Variants in ATXN2 observed in about 807,000 individuals in gnomAD.
ATXN2 encodes the protein ataxin-2.
ATXN2 carries 37 observed loss-of-function variants against 138.6 expected under a neutral mutation model. The observed-to-expected ratio is 0.27, with a 90% CI of 0.21 to 0.35. The LOEUF is 0.35. Among genes scored for constraint, ATXN2 ranks in the 10% least tolerant of loss-of-function variants. The pLI, the probability that ATXN2 is intolerant of heterozygous loss-of-function variation, is 1.00. For synonymous variants in ATXN2, 549 were observed against 543.7 expected (o/e 1.01, Z -0.13); for missense variants, 1,216 against 1,480.3 (o/e 0.82, Z 2.93).
intron 14 of ATXN2, among the ~76,000 whole-genome samples, chr12:111,498,217 T>C (rs1001401924): frequency 2.0e-5 from 3 of 152,100 alleles, no homozygotes; most frequent in African/African-American, 2.4e-5. Flanking sequence ...GAAGTCCTAA[T>C]TGGAGCAATC....
At chr12:111,566,974 G>A (rs1883048911) in intron 1 of ATXN2, among the ~76,000 whole-genome samples, 1 of 152,060 alleles carries the variant, frequency 6.6e-6, no homozygotes, top group East Asian at 1.9e-4. Flanking sequence ...TGATTTTGAG[G>A]GGTTCAGGAC....
chr12:111,500,830 G>A (rs1026934644), intron 14 of ATXN2, among the ~76,000 whole-genome samples: 2 of 151,998 alleles, frequency 1.3e-5, no homozygotes, highest in Non-Finnish European at 2.9e-5. Flanking sequence ...TTGAGACTGC[G>A]CCACCGCACT....
chr12:111,476,414 T>C (rs1312523532), intron 18 of ATXN2, among the ~76,000 whole-genome samples: 1 of 151,512 alleles, frequency 6.6e-6, no homozygotes, highest in African/African-American at 2.4e-5. Flanking sequence ...AATGGGAGCA[T>C]GGCAAAATCT....
intron 21 of ATXN2, among the ~76,000 whole-genome samples, chr12:111,463,017 T>C (rs1011492220): frequency 1.3e-5 from 2 of 151,834 alleles, no homozygotes; most frequent in African/African-American, 4.9e-5. Context: ...TGTATGTATG[T>C]ATGTATCAGC....
At chr12:111,590,400 G>C (rs555101900) in intron 1 of ATXN2, among the ~76,000 whole-genome samples, 1 of 151,966 alleles carries the variant, frequency 6.6e-6, no homozygotes. Context: ...AAACAAGCCT[G>C]TTAGGGGGCC....
At chr12:111,556,045 T>C in intron 1 of ATXN2, 126 bp from the exon 2 acceptor site, 1 of 764,686 alleles carries the variant, frequency 1.3e-6, no homozygotes, top group Non-Finnish European at 2.0e-6. Context: ...GCTCACCTAA[T>C]ATTAAGTCTA....
At chr12:111,469,940 C>A in intron 20 of ATXN2, 168 bp downstream of exon 20, 2 of 767,192 alleles carry the variant, frequency 2.6e-6, no homozygotes, top group South Asian at 2.8e-5. Flanking sequence ...AACTATTTGC[C>A]AAAAGTTATA....
At chr12:111,571,105 A>G (rs575128726) in intron 1 of ATXN2, among the ~76,000 whole-genome samples, 2 of 152,370 alleles carry the variant, frequency 1.3e-5, no homozygotes, top group East Asian at 1.9e-4. Flanking sequence ...AAACTTAAGC[A>G]TAAGTGAAAA....
chr12:111,538,105 GAA>G (rs549612470), intron 5 of ATXN2, among the ~76,000 whole-genome samples: 2 of 132,810 alleles, frequency 1.5e-5, no homozygotes, highest in African/African-American at 5.5e-5. Context: ...CAAAATAGAA[GAA>G]AAAAAAAAAC....
intron 1 of ATXN2, among the ~76,000 whole-genome samples, chr12:111,560,020 AAG>A (rs1293393993): frequency 6.6e-6 from 1 of 152,090 alleles, no homozygotes; most frequent in African/African-American, 2.4e-5. Flanking sequence ...GAACTAGGGA[AAG>A]AGAGCTGGGA....
At chr12:111,550,390 A>G (rs1351261508) in intron 5 of ATXN2, among the ~76,000 whole-genome samples, 2 of 152,230 alleles carry the variant, frequency 1.3e-5, no homozygotes, top group African/African-American at 2.4e-5. Context: ...TCAATTCATC[A>G]TAAAAACAAA....
At chr12:111,485,966 T>A in intron 16 of ATXN2, 101 bp from the exon 17 acceptor site, 4 of 1,170,642 alleles carry the variant, frequency 3.4e-6, no homozygotes, top group Non-Finnish European at 4.7e-6. Context: ...TTACTTGCTT[T>A]AACTATGTCC....
intron 21 of ATXN2, chr12:111,458,429 G>A (rs115875695): frequency 6.6e-6 from 1 of 152,294 alleles, no homozygotes; most frequent in African/African-American, 2.4e-5. Flanking sequence ...TGCCTGGCCT[G>A]TTCATGTGCT....
At chr12:111,567,168 G>A (rs1225303966) in intron 1 of ATXN2, among the ~76,000 whole-genome samples, 3 of 152,194 alleles carry the variant, frequency 2.0e-5, no homozygotes, top group Non-Finnish European at 4.4e-5. Flanking sequence ...TGGTGAAGCT[G>A]CTGTGAGCAC....
At chr12:111,582,822 C>T (rs1044974809) in intron 1 of ATXN2, among the ~76,000 whole-genome samples, 3 of 151,956 alleles carry the variant, frequency 2.0e-5, no homozygotes, top group Admixed American at 2.0e-4. Context: ...GCGCCCGCCA[C>T]CACGCCTGGC....
chr12:111,583,698 TG>T (rs1220612054), intron 1 of ATXN2, among the ~76,000 whole-genome samples: 1 of 124,128 alleles, frequency 8.1e-6, no homozygotes, highest in Admixed American at 1.2e-4. Context: ...ACACAGGAGG[TG>T]GAGGTTGCAG....
At chr12:111,579,551 C>G (rs566795434) in intron 1 of ATXN2, among the ~76,000 whole-genome samples, 22 of 151,432 alleles carry the variant, frequency 1.5e-4, no homozygotes, top group African/African-American at 3.9e-4. Context: ...CGTGAGACAT[C>G]GCACCCGGCC....
chr12:111,481,718 T>G (rs1877253629), intron 18 of ATXN2, among the ~76,000 whole-genome samples: 1 of 152,104 alleles, frequency 6.6e-6, no homozygotes, highest in South Asian at 2.1e-4. Flanking sequence ...TGCAGTGGTG[T>G]GATCTCAGCT....
intron 1 of ATXN2, chr12:111,597,812 A>C: frequency 8.0e-7 from 1 of 1,250,782 alleles, no homozygotes; most frequent in Non-Finnish European, 1.0e-6. Flanking sequence ...GCATTTCCGA[A>C]ATTGGGGCGG....
Sources: allele counts gnomAD v4.1 joint callset (sites outside exome capture counted in the v4.1 genomes callset), GRCh38; gene constraint gnomAD v4.1.1; transcripts MANE v1.5; gene names NCBI Gene and HGNC (gene_info 2026-07-23, HGNC 2026-07-21).